The following PTPRD variants were observed in gnomAD, a reference collection of about 807,000 sequenced individuals.
PTPRD encodes the protein receptor-type tyrosine-protein phosphatase delta.
A neutral mutation model predicts 214.5 loss-of-function variants in PTPRD; 34 were observed. The ratio of observed to expected loss-of-function variants is 0.16; its 90% CI spans 0.12 to 0.21. PTPRD has a LOEUF of 0.21. Ranked by LOEUF, PTPRD falls within the 10% of genes least tolerant of loss-of-function variation. The pLI is 1.00. For synonymous variants in PTPRD, 1,128 were observed against 845.7 expected (o/e 1.33, Z -5.79); for missense variants, 2,545 against 2,398.7 (o/e 1.06, Z -1.27).
intron 9 of PTPRD, among the ~76,000 whole-genome samples, chr9:9,352,571 A>T (rs2051841584): frequency 6.6e-6 from 1 of 151,878 alleles, no homozygotes; most frequent in African/African-American, 2.4e-5. Context: ...CCTTCACACA[A>T]AATAGCTGGT....
At chr9:8,443,764 TG>T (rs1209319385) in intron 34 of PTPRD, among the ~76,000 whole-genome samples, 1 of 152,164 alleles carries the variant, frequency 6.6e-6, no homozygotes, top group Admixed American at 6.5e-5. Flanking sequence ...TAATGATTGG[TG>T]CACCACCAAT....
intron 8 of PTPRD, among the ~76,000 whole-genome samples, chr9:9,450,129 T>C (rs2091724798): frequency 6.6e-6 from 1 of 151,562 alleles, no homozygotes; most frequent in Non-Finnish European, 1.5e-5. Context: ...TCTGTGTGTG[T>C]GTGTGTGTGT....
At chr9:10,019,935 A>T (rs936506874) in intron 4 of PTPRD, among the ~76,000 whole-genome samples, 2 of 152,190 alleles carry the variant, frequency 1.3e-5, no homozygotes, top group South Asian at 4.1e-4. Context: ...TAATAAAAAA[A>T]ATTATAGTGC....
intron 11 of PTPRD, among the ~76,000 whole-genome samples, chr9:8,991,703 G>T (rs1357317562): frequency 6.6e-6 from 1 of 152,092 alleles, no homozygotes; most frequent in Non-Finnish European, 1.5e-5. Flanking sequence ...TTGCCTCTTA[G>T]GGTAATTTTA....
chr9:8,970,344 G>A (rs891231500), intron 11 of PTPRD, among the ~76,000 whole-genome samples: 1 of 151,814 alleles, frequency 6.6e-6, no homozygotes, highest in African/African-American at 2.4e-5. Context: ...AAAATAGTGA[G>A]TTCTAAATAA....
intron 35 of PTPRD, among the ~76,000 whole-genome samples, chr9:8,425,169 T>A (rs1274575325): frequency 1.3e-5 from 2 of 152,204 alleles, no homozygotes; most frequent in East Asian, 3.9e-4. Context: ...GTCATCCCTA[T>A]GATGCTGGGT....
chr9:9,344,738 A>C (rs2048179294), intron 9 of PTPRD, among the ~76,000 whole-genome samples: 2 of 152,172 alleles, frequency 1.3e-5, no homozygotes, highest in South Asian at 4.2e-4. Flanking sequence ...AAGGCAAGTT[A>C]CCTGAATATA....
At chr9:10,038,584 A>G (rs888308157) in intron 3 of PTPRD, among the ~76,000 whole-genome samples, 7 of 152,224 alleles carry the variant, frequency 4.6e-5, no homozygotes, top group Admixed American at 2.6e-4. Context: ...AAATCACAGA[A>G]CTGATCCTCA....
intron 8 of PTPRD, among the ~76,000 whole-genome samples, chr9:9,508,660 C>T (rs1238060895): frequency 6.6e-6 from 1 of 151,570 alleles, no homozygotes; most frequent in African/African-American, 2.4e-5. Flanking sequence ...CATTTTCAGT[C>T]TTCTTTGAGC....
chr9:10,214,107 T>G (rs1272480231), intron 3 of PTPRD, among the ~76,000 whole-genome samples: 1 of 152,144 alleles, frequency 6.6e-6, no homozygotes, highest in Admixed American at 6.6e-5. Flanking sequence ...ATGTTTAAAT[T>G]TGAAGGAATT....
At chr9:9,998,738 A>G (rs533754212) in intron 4 of PTPRD, among the ~76,000 whole-genome samples, 3 of 152,282 alleles carry the variant, frequency 2.0e-5, no homozygotes, top group African/African-American at 4.8e-5. Context: ...CTCTCCAGGC[A>G]CAAGTGCTCA....
intron 5 of PTPRD, among the ~76,000 whole-genome samples, chr9:9,918,350 G>GCA (rs1566300005): frequency 1.9e-3 from 41 of 21,178 alleles, no homozygotes; most frequent in African/African-American, 4.0e-3. Flanking sequence ...AACCAAAGAG[G>GCA]TAAAAAAAAA....
At chr9:9,111,289 A>C (rs2099805731) in intron 10 of PTPRD, among the ~76,000 whole-genome samples, 2 of 136,556 alleles carry the variant, frequency 1.5e-5, no homozygotes, top group African/African-American at 5.5e-5. Flanking sequence ...CTCAGCTCTT[A>C]GTCTAATCCT....
rs1338332585 is a variant in PTPRD, at chr9:8,528,160, T to C, written c.541+431A>G. 6 of 357,304 alleles carry C rather than the reference T, an allele frequency of 1.7e-5. No homozygotes were observed. In the East Asian group the frequency reaches 2.5e-4, roughly 15 times the overall value. 22.1% of individuals were successfully genotyped at this position (357,304 alleles called of 1,614,324 possible). A position where few individuals can be genotyped will look rare whatever the true frequency, so the allele number is the denominator to read the frequency against. On this transcript the variant is annotated intron_variant, in intron 15 of 45. Coordinates refer to ENST00000381196, the MANE Select transcript of PTPRD (RefSeq NM_002839.4). ...TTAATAAAATTGAAACATTTTAGGG[T>C]TTAATATGAACATTTTATTTTTTAA...
chr9:9,073,531 G>A (rs1190929540), intron 10 of PTPRD, among the ~76,000 whole-genome samples: 1 of 152,092 alleles, frequency 6.6e-6, no homozygotes, highest in Non-Finnish European at 1.5e-5. Flanking sequence ...TCCATAATAT[G>A]AATGGGTCTC....
intron 4 of PTPRD, among the ~76,000 whole-genome samples, chr9:9,978,350 T>A (rs2095430096): frequency 6.6e-6 from 1 of 151,698 alleles, no homozygotes; most frequent in Non-Finnish European, 1.5e-5. Flanking sequence ...AGCAGAGAGA[T>A]AAAATCTATA....
At chr9:8,584,631 T>A (rs960157275) in intron 14 of PTPRD, among the ~76,000 whole-genome samples, 5 of 152,218 alleles carry the variant, frequency 3.3e-5, no homozygotes, top group African/African-American at 1.2e-4. Context: ...ATTTTTCCAA[T>A]GTTCTAGAGA....
intron 7 of PTPRD, among the ~76,000 whole-genome samples, chr9:9,658,040 T>G (rs1285365277): frequency 6.6e-6 from 1 of 152,234 alleles, no homozygotes; most frequent in African/African-American, 2.4e-5. Flanking sequence ...TGCCTCCATA[T>G]GTCTTCCAGC....
rs764165454 is a variant in PTPRD at position 8,837,464 on chromosome 9, C to A, written c.-103-103518G>T. Among the ~76,000 whole-genome samples the A allele has an allele frequency of 2.0e-5, 3 of 151,926 alleles. No individual in the cohort carries two copies. The South Asian group carries it at 6.2e-4, about 31-fold the overall frequency. On this transcript the variant is annotated intron_variant, in intron 11 of 45. Coordinates refer to ENST00000381196, the MANE Select transcript of PTPRD (RefSeq NM_002839.4). The stretch of plus-strand genomic sequence containing the variant: ...ATTAAAGTCAAAATAGGCATTCTCA[C>A]ATCAGAAGACTAATCTCCTTTTCTC...
Sources: gnomAD v4.1 joint callset for allele counts (sites outside exome capture counted in the v4.1 genomes callset) on GRCh38, gnomAD v4.1.1 for gene constraint, MANE v1.5 for transcripts, NCBI Gene and HGNC (gene_info 2026-07-23, HGNC 2026-07-21) for gene names.